Variants in RNF144B observed in about 807,000 individuals in gnomAD.
RNF144B encodes E3 ubiquitin-protein ligase RNF144B.
RNF144B carries 25 observed loss-of-function variants against 40.2 expected under a neutral mutation model. The ratio of observed to expected loss-of-function variants is 0.62; its 90% CI spans 0.45 to 0.87. The LOEUF is 0.87. RNF144B is among the 40% of genes least tolerant of loss of function. The pLI is 0.00. For synonymous variants in RNF144B, 145 were observed against 136.3 expected (o/e 1.06, Z -0.44); for missense variants, 365 against 373.7 (o/e 0.98, Z 0.19).
chr6:18,439,885 C>T (rs1402553544), intron 4 of RNF144B, 141 bp downstream of exon 4: 21 of 505,512 alleles, frequency 4.2e-5, no homozygotes, highest in Non-Finnish European at 4.0e-5. Flanking sequence ...ACTGTAATTG[C>T]AACATAAAAT....
At position 18,427,568 on chromosome 6, in the gene RNF144B, TC is replaced by T. The variant is rs1394774509; in HGVS notation, c.166-12del. On this transcript the variant is annotated splice_polypyrimidine_tract_variant and intron_variant, in intron 2 of 7. Transcript: ENST00000259939. ...ATGGAATGGGCAATTGTCTTTTTTTTCTTAACTTCCAGTGCCTGAAACAGTA... is the reference window on the plus strand; with the variant it reads ...ATGGAATGGGCAATTGTCTTTTTTTTTTAACTTCCAGTGCCTGAAACAGTA... The T allele has an allele frequency of 1.2e-6, 2 of 1,601,014 alleles. No homozygotes were observed. The highest frequency in any genetic ancestry group is 1.7e-6 in the Non-Finnish European group (2 of 1,169,270).
chr6:18,406,407 G>A lies in RNF144B; in HGVS notation c.165+6708G>A, dbSNP rs1794906864. ...GCAGTATGGAGGTCTTAAGTTGGGA[G>A]TGTGCTTGGTGTATCCTGTTACAGC... On this transcript the variant is annotated intron_variant, in intron 2 of 7. Transcript: ENST00000259939. This position sits in a 1 kb window ranked among gnomAD's most constrained non-coding sequence, Gnocchi z 4.2. Among the ~76,000 whole-genome samples the A allele has an allele frequency of 6.6e-6, 1 of 151,858 alleles. No homozygotes were observed. Among genetic ancestry groups the A allele is most frequent in the South Asian group, 2.1e-4 (1 of 4,790 alleles).
intron 4 of RNF144B, among the ~76,000 whole-genome samples, chr6:18,449,613 A>G (rs1759163182): frequency 1.3e-5 from 2 of 152,030 alleles, no homozygotes; most frequent in African/African-American, 2.4e-5. Flanking sequence ...CAAAGAGCTT[A>G]TCTTATGTGT....
chr6:18,415,629 C>T (rs1281799093), intron 2 of RNF144B, among the ~76,000 whole-genome samples: 1 of 152,166 alleles, frequency 6.6e-6, no homozygotes, highest in Non-Finnish European at 1.5e-5. Context: ...CTAACATTAA[C>T]TTTTTGCTTG....
intron 3 of RNF144B, among the ~76,000 whole-genome samples, chr6:18,433,030 C>T (rs763352964): frequency 1.3e-5 from 2 of 152,178 alleles, no homozygotes; most frequent in African/African-American, 4.8e-5. Flanking sequence ...AAAATAAATA[C>T]AGTTTTTACT....
At chr6:18,451,132 A>G (rs1278143393) in intron 4 of RNF144B, among the ~76,000 whole-genome samples, 1 of 152,166 alleles carries the variant, frequency 6.6e-6, no homozygotes, top group South Asian at 2.1e-4. Context: ...CATGGGATGC[A>G]CTGTCATTTA....
chr6:18,455,178 G>T (rs1487439883), intron 4 of RNF144B, among the ~76,000 whole-genome samples: 1 of 152,116 alleles, frequency 6.6e-6, no homozygotes, highest in African/African-American at 2.4e-5. Flanking sequence ...ACTTCTTAAG[G>T]TTTTAGTGAT....
At chr6:18,394,339 C>T (rs567070824) in intron 1 of RNF144B, among the ~76,000 whole-genome samples, 2 of 152,236 alleles carry the variant, frequency 1.3e-5, no homozygotes, top group Admixed American at 6.5e-5. Flanking sequence ...GTGGCTTACA[C>T]CTGTAATCCC....
At position 18,425,456 on chromosome 6, in the gene RNF144B, G is replaced by A. The variant is rs1267697236; in HGVS notation, c.166-2125G>A. Reference sequence around the variant, plus strand: ...GTCCCCTGGCAAAACACTCCTTTTGGTGAGCCGCCTTGACTGTTCCCCTGG... The same window carrying A: ...GTCCCCTGGCAAAACACTCCTTTTGATGAGCCGCCTTGACTGTTCCCCTGG... On this transcript the variant is annotated intron_variant, in intron 2 of 7. Transcript: ENST00000259939. The surrounding 1 kb of genome is among the most constrained non-coding windows in gnomAD (Gnocchi z 4.2). 6.6e-6 allele frequency among the ~76,000 whole-genome samples: 1 copy of A among 152,124 alleles called. No homozygotes were observed.
At chr6:18,391,172 T>G (rs186201291) in intron 1 of RNF144B, among the ~76,000 whole-genome samples, 71 of 152,358 alleles carry the variant, frequency 4.7e-4, no homozygotes, top group African/African-American at 1.6e-3. Flanking sequence ...GCCTGGCTCT[T>G]GCTCTATAAG....
At position 18,464,302 on chromosome 6, in the gene RNF144B, G is replaced by A. The variant is rs190775967; in HGVS notation, c.772-625G>A. 1.3e-5 allele frequency among the ~76,000 whole-genome samples: 2 copies of A among 152,280 alleles called. No homozygotes were observed. The highest frequency in any genetic ancestry group is 3.9e-4 in the East Asian group (2 of 5,184). ...TTGAGGAAATTCAAGTAGAGAGAGAGCACCAATACCAATAATTCATGACTA... is the reference window on the plus strand; with the variant it reads ...TTGAGGAAATTCAAGTAGAGAGAGAACACCAATACCAATAATTCATGACTA... On this transcript the variant is annotated intron_variant, in intron 7 of 7. Coordinates refer to ENST00000259939, the MANE Select transcript of RNF144B (RefSeq NM_182757.4). This position sits in a 1 kb window ranked among gnomAD's most constrained non-coding sequence, Gnocchi z 6.1.
At chr6:18,408,217 T>A (rs1263459185) in intron 2 of RNF144B, among the ~76,000 whole-genome samples, 2 of 152,120 alleles carry the variant, frequency 1.3e-5, no homozygotes, top group African/African-American at 4.8e-5. Context: ...ACTCCTGACC[T>A]CAAGTGTTCC....
At position 18,414,991 on chromosome 6, in the gene RNF144B, C is replaced by A. The variant is rs1795122352; in HGVS notation, c.166-12590C>A. Among the ~76,000 whole-genome samples the A allele has an allele frequency of 1.3e-5, 2 of 152,126 alleles. No homozygotes were observed. The highest frequency in any genetic ancestry group is 2.9e-5 in the Non-Finnish European group (2 of 68,018). ...TACCCAAATTCATGAATGCTCAAGTCCCTTATATAGAATGGTGTAGTATTT... is the reference window on the plus strand; with the variant it reads ...TACCCAAATTCATGAATGCTCAAGTACCTTATATAGAATGGTGTAGTATTT... On this transcript the variant is annotated intron_variant, in intron 2 of 7. Coordinates refer to ENST00000259939, the MANE Select transcript of RNF144B (RefSeq NM_182757.4). This position sits in a 1 kb window ranked among gnomAD's most constrained non-coding sequence, Gnocchi z 4.9.
In RNF144B at chr6:18,467,125, T is replaced by A. The variant is rs1244686475; in HGVS notation, c.*2058T>A. On this transcript the variant is annotated 3_prime_UTR_variant, in exon 8 of 8. Coordinates refer to ENST00000259939, the MANE Select transcript of RNF144B (RefSeq NM_182757.4). ...ATTATAGGTAAAAGGCATTTATAAC[T>A]GCTCAGGGGATTACGAGAACTCAAC... The A allele has an allele frequency of 6.6e-6, 1 of 152,666 alleles. No homozygotes were observed. The highest frequency in any genetic ancestry group is 1.5e-5 in the Non-Finnish European group (1 of 68,042). 9.5% of individuals were successfully genotyped at this position (152,666 alleles called of 1,614,324 possible).
intron 3 of RNF144B, among the ~76,000 whole-genome samples, chr6:18,432,671 T>C (rs1425463888): frequency 6.6e-6 from 1 of 152,228 alleles, no homozygotes; most frequent in Non-Finnish European, 1.5e-5. Flanking sequence ...GTTTGAACCA[T>C]TTGTCTGGCC....
intron 2 of RNF144B, among the ~76,000 whole-genome samples, chr6:18,404,746 AGCACATTTATGGTG>A (rs1794861136): frequency 6.6e-6 from 1 of 152,232 alleles, no homozygotes; most frequent in Admixed American, 6.5e-5. Context: ...TAAATAGATG[AGCACATTTATGGTG>A]GATATAAAAG....
At position 18,410,897 on chromosome 6, in the gene RNF144B, G is replaced by C. The variant is rs1795017890; in HGVS notation, c.165+11198G>C. 6.6e-6 allele frequency among the ~76,000 whole-genome samples: 1 copy of C among 152,082 alleles called. No homozygotes were observed. Among genetic ancestry groups the C allele is most frequent in the Non-Finnish European group, 1.5e-5 (1 of 68,022 alleles). On this transcript the variant is annotated intron_variant, in intron 2 of 7. Transcript: ENST00000259939. The surrounding 1 kb of genome is among the most constrained non-coding windows in gnomAD (Gnocchi z 4.6). ...ATGGCAGACTGCAGTTTTGATGCCT[G>C]GAGTATTTAAATTATTTTTGTGCCC...
In RNF144B at chr6:18,444,306, C is replaced by T. The variant is rs1452830238; in HGVS notation, c.331+4562C>T. ...CTATGTTTCTGGCTTTCTCTTTCTG[C>T]ATCAGCTTTCCAATATTAACAAGGA... On this transcript the variant is annotated intron_variant, in intron 4 of 7. Transcript: ENST00000259939. This position sits in a 1 kb window ranked among gnomAD's most constrained non-coding sequence, Gnocchi z 4.3. 6.6e-6 allele frequency among the ~76,000 whole-genome samples: 1 copy of T among 152,166 alleles called. No individual in the cohort carries two copies. The highest frequency in any genetic ancestry group is 2.4e-5 in the African/African-American group (1 of 41,448).
intron 4 of RNF144B, among the ~76,000 whole-genome samples, chr6:18,440,696 A>G (rs1758938820): frequency 8.6e-6 from 1 of 116,222 alleles, no homozygotes; most frequent in African/African-American, 3.1e-5. Context: ...AGAGGGGTAG[A>G]GTAGGAATGC....
Sources: allele counts gnomAD v4.1 joint callset (sites outside exome capture counted in the v4.1 genomes callset), GRCh38; gene constraint gnomAD v4.1.1; non-coding constraint Gnocchi (gnomAD v3.1); transcripts MANE v1.5; gene names NCBI Gene and HGNC (gene_info 2026-07-23, HGNC 2026-07-21).